The following WDFY3 variants were observed in gnomAD, a reference collection of about 807,000 sequenced individuals.
The protein encoded by WDFY3 is WD repeat and FYVE domain containing 3, also known as WD repeat and FYVE domain-containing protein 3.
In WDFY3, 66 loss-of-function variants were observed where a neutral mutation model predicts 409.6. The observed-to-expected ratio is 0.16, with a 90% CI of 0.13 to 0.20. WDFY3 has a LOEUF of 0.20. Ranked by LOEUF, WDFY3 falls within the 10% of genes least tolerant of loss-of-function variation. The pLI is 1.00. For synonymous variants in WDFY3, 1,521 were observed against 1,537.1 expected (o/e 0.99, Z 0.25); for missense variants, 3,031 against 4,298.1 (o/e 0.71, Z 8.24).
In WDFY3 at chr4:84,778,594, G is replaced by T; in HGVS notation, c.4427C>A (p.Thr1476Asn). 1 of 1,612,840 alleles carries T rather than the reference G, an allele frequency of 6.2e-7. No homozygotes were observed. The highest frequency in any genetic ancestry group is 8.5e-7 in the Non-Finnish European group (1 of 1,179,632). Residue 1476 changes from threonine (T) to asparagine (N), a missense_variant, in exon 27 of 68, where the codon ACT becomes AAT. Physicochemically the swap from Thr to Asn is moderately conservative, Grantham distance 65. Transcript: ENST00000295888. ...SLLNSHILHLTFSLVGTVDSG... is the reference protein window; with the variant it reads ...SLLNSHILHLNFSLVGTVDSG... ...ATCAACAGTTCCCACCAAAGAAAAA[G>T]TTAGATGGAGGATGTGGCTGTTAAG...
At chr4:84,694,091 A>G (rs974770472) in intron 58 of WDFY3, among the ~76,000 whole-genome samples, 9 of 152,164 alleles carry the variant, frequency 5.9e-5, no homozygotes, top group Admixed American at 3.9e-4. Context: ...TTTCCAAGGG[A>G]AAAAAACAGA....
intron 1 of WDFY3, among the ~76,000 whole-genome samples, chr4:84,943,879 C>T (rs950827013): frequency 6.6e-6 from 1 of 152,158 alleles, no homozygotes; most frequent in Non-Finnish European, 1.5e-5. Context: ...GAGGCACAGA[C>T]ATAAAGTCTA....
intron 3 of WDFY3, among the ~76,000 whole-genome samples, chr4:84,891,050 T>C (rs1233526158): frequency 6.6e-6 from 1 of 152,152 alleles, no homozygotes; most frequent in African/African-American, 2.4e-5. Flanking sequence ...TTGTAAGACA[T>C]AGACAAGCAG....
intron 1 of WDFY3, among the ~76,000 whole-genome samples, chr4:84,957,294 CATA>C (rs1281374649): frequency 6.7e-6 from 1 of 148,856 alleles, no homozygotes; most frequent in East Asian, 2.0e-4. Flanking sequence ...CAAGGCATAT[CATA>C]ATGAGACTTC....
intron 61 of WDFY3, among the ~76,000 whole-genome samples, chr4:84,689,333 A>G (rs1368794888): frequency 6.6e-6 from 1 of 152,230 alleles, no homozygotes; most frequent in Admixed American, 6.5e-5. Context: ...TCTTTATTGC[A>G]TGCTTAGCAA....
At chr4:84,817,334 C>T in intron 13 of WDFY3, 58 bp downstream of exon 13, 2 of 1,594,810 alleles carry the variant, frequency 1.3e-6, no homozygotes, top group Non-Finnish European at 1.7e-6. Flanking sequence ...TACAGATCAT[C>T]TAAAAATAAC....
chr4:84,925,681 G>A (rs1769883100), intron 2 of WDFY3, among the ~76,000 whole-genome samples: 1 of 152,094 alleles, frequency 6.6e-6, no homozygotes, highest in Non-Finnish European at 1.5e-5. Flanking sequence ...CAGTATTATT[G>A]TTCTTTTTTA....
At chr4:84,678,348 T>A in intron 65 of WDFY3, 69 bp from the exon 66 acceptor site, 1 of 1,181,844 alleles carries the variant, frequency 8.5e-7, no homozygotes, top group Non-Finnish European at 1.3e-6. Flanking sequence ...AGAACTACTC[T>A]AAGATGGTGG....
At chr4:84,778,361 A>G in intron 27 of WDFY3, 142 bp downstream of exon 27, 1 of 800,322 alleles carries the variant, frequency 1.2e-6, no homozygotes, top group East Asian at 3.2e-5. Flanking sequence ...TCTACTTTTT[A>G]TATTTTACTA....
At chr4:84,761,378 C>T (rs954470048) in intron 32 of WDFY3, among the ~76,000 whole-genome samples, 1 of 152,016 alleles carries the variant, frequency 6.6e-6, no homozygotes, top group Non-Finnish European at 1.5e-5. Context: ...TTCCTGTCTC[C>T]TTGATCTGTC....
chr4:84,833,770 C>T (rs1206095089), intron 7 of WDFY3, among the ~76,000 whole-genome samples: 1 of 151,950 alleles, frequency 6.6e-6, no homozygotes, highest in African/African-American at 2.4e-5. Flanking sequence ...AGAGAGGTAG[C>T]TGAAATATCA....
chr4:84,721,309 G>T, intron 47 of WDFY3, 100 bp downstream of exon 47: 1 of 1,470,812 alleles, frequency 6.8e-7, no homozygotes, highest in Non-Finnish European at 9.2e-7. Flanking sequence ...TATTACCGAG[G>T]CTAATGCATT....
chr4:84,878,128 A>C (rs1052679562), intron 3 of WDFY3, among the ~76,000 whole-genome samples: 7 of 152,358 alleles, frequency 4.6e-5, no homozygotes, highest in Admixed American at 3.3e-4. Context: ...TCAGAAAATA[A>C]GAACTATTTA....
chr4:84,784,311 C>T (rs764973469), intron 24 of WDFY3, among the ~76,000 whole-genome samples: 5 of 152,144 alleles, frequency 3.3e-5, no homozygotes, highest in African/African-American at 7.2e-5. Flanking sequence ...ACTCCAGATT[C>T]GTATTTCCAA....
intron 3 of WDFY3, among the ~76,000 whole-genome samples, chr4:84,863,796 A>C (rs1222711477): frequency 9.2e-5 from 14 of 152,148 alleles, no homozygotes; most frequent in Non-Finnish European, 1.5e-5. Context: ...TATTACAGAG[A>C]CTATCTTTCA....
intron 55 of WDFY3, 128 bp downstream of exon 55, chr4:84,704,210 T>C: frequency 1.6e-6 from 1 of 631,164 alleles, no homozygotes; most frequent in South Asian, 3.1e-5. Flanking sequence ...ACTTTAGTTA[T>C]GTAACTACTT....
intron 64 of WDFY3, among the ~76,000 whole-genome samples, chr4:84,679,841 T>TATATATATACACACACAC (rs1235574031): frequency 1.4e-5 from 2 of 141,262 alleles, no homozygotes; most frequent in African/African-American, 5.3e-5. Flanking sequence ...TATATATATA[T>TATATATATACACACACAC]ACACACACAC....
rs764273833 is a variant in WDFY3 at position 84,678,951 on chromosome 4, A to C, written c.10115T>G (p.Ile3372Ser). ...GPLSHPHPNP[I>S]EVRNYSRLKP... ...CAATCTGCTGTAATTCCGCACCTCAATGGGATTGGGGTGGGGGTGGCTAAG... is the reference window on the plus strand; with the variant it reads ...CAATCTGCTGTAATTCCGCACCTCACTGGGATTGGGGTGGGGGTGGCTAAG... The change falls in exon 65 of 68, where the codon ATT (isoleucine) becomes AGT (serine). Residue 3372 changes from isoleucine to serine, a missense_variant. Ile to Ser is a moderately radical substitution (Grantham distance 142). Transcript: ENST00000295888. 2.9e-5 allele frequency: 47 copies of C among 1,613,586 alleles called. No individual in the cohort carries two copies. Among genetic ancestry groups the C allele is most frequent in the Non-Finnish European group, 2.5e-6 (3 of 1,179,838 alleles).
At chr4:84,963,313 A>G (rs1435279008) in intron 1 of WDFY3, among the ~76,000 whole-genome samples, 1 of 151,708 alleles carries the variant, frequency 6.6e-6, no homozygotes, top group African/African-American at 2.4e-5. Context: ...AGTCCCAGCT[A>G]CTTGGGTGGC....
Sources: gnomAD v4.1 joint callset for allele counts (sites outside exome capture counted in the v4.1 genomes callset) on GRCh38, gnomAD v4.1.1 for gene constraint, MANE v1.5 for transcripts, NCBI Gene and HGNC (gene_info 2026-07-23, HGNC 2026-07-21) for gene names.